The following MOB1B variants were observed in gnomAD, a reference collection of about 807,000 sequenced individuals.
The protein encoded by MOB1B is MOB kinase activator 1B, also known as MOB1 Mps One Binder homolog B.
In MOB1B, 19 loss-of-function variants were observed where a neutral mutation model predicts 24.4. The observed-to-expected ratio is 0.78, with a 90% CI of 0.54 to 1.14. The LOEUF is 1.14. Ranked by LOEUF, MOB1B falls within the 50% of genes most tolerant of loss-of-function variation. The pLI, the probability that MOB1B is intolerant of heterozygous loss-of-function variation, is 0.00. For missense variants in MOB1B, 243 were observed against 259.6 expected (o/e 0.94, Z 0.44); for synonymous variants, 76 against 82.1 (o/e 0.93, Z 0.40).
chr4:70,964,593 C>T (rs1300086612), intron 2 of MOB1B, among the ~76,000 whole-genome samples: 2 of 152,074 alleles, frequency 1.3e-5, no homozygotes, highest in Non-Finnish European at 2.9e-5. Context: ...GCATCCATCT[C>T]CAGAGGTTGG....
chr4:70,973,022 C>G (rs1361949948), intron 3 of MOB1B, among the ~76,000 whole-genome samples: 5 of 152,158 alleles, frequency 3.3e-5, no homozygotes, highest in Non-Finnish European at 7.3e-5. Context: ...ATCCGCCCGC[C>G]TCGGCCTCCC....
At chr4:70,948,663 G>A (rs1400456035) in intron 1 of MOB1B, among the ~76,000 whole-genome samples, 1 of 152,014 alleles carries the variant, frequency 6.6e-6, no homozygotes, top group East Asian at 1.9e-4. Context: ...TTCTTTCATG[G>A]TGTTGGTTTT....
intron 1 of MOB1B, among the ~76,000 whole-genome samples, chr4:70,955,188 A>G (rs1376698807): frequency 6.6e-6 from 1 of 152,168 alleles, no homozygotes; most frequent in Non-Finnish European, 1.5e-5. Context: ...TGATTAGTAG[A>G]TGACTCTGGG....
chr4:70,930,967 T>C (rs1464280526), intron 1 of MOB1B, among the ~76,000 whole-genome samples: 1 of 11,258 alleles, frequency 8.9e-5, no homozygotes, highest in African/African-American at 1.0e-4. Context: ...TACCTTTCCT[T>C]TTTTTTTTTT....
chr4:70,903,650 C>T (rs957512354), intron 1 of MOB1B, among the ~76,000 whole-genome samples: 1 of 152,180 alleles, frequency 6.6e-6, no homozygotes, highest in African/African-American at 2.4e-5. Context: ...GATTTCTCTT[C>T]TTTCCTTGCC....
rs145865418 is a variant in MOB1B at position 70,976,687 on chromosome 4, A to G, written c.409+1401A>G. ...TGTTGTTATGGAGTACTTTAAACAT[A>G]TTTATTGAATGCATTAACCACTTGG... On this transcript the variant is annotated intron_variant, in intron 4 of 5. Transcript: ENST00000309395. The G allele has an allele frequency of 1.1e-4, 101 of 952,960 alleles. No individual in the cohort carries two copies. The African/African-American group carries it at 1.8e-3, about 17-fold the overall frequency. The allele number at this position is 952,960 out of a possible 1,614,324, so 59.0% of individuals were successfully genotyped here. A position where few individuals can be genotyped will look rare whatever the true frequency, so the allele number is the denominator to read the frequency against.
At chr4:70,911,296 T>A (rs1735978330) in intron 1 of MOB1B, among the ~76,000 whole-genome samples, 1 of 151,978 alleles carries the variant, frequency 6.6e-6, no homozygotes, top group Non-Finnish European at 1.5e-5. Flanking sequence ...AGATATTATA[T>A]CCTTATAATA....
chr4:70,978,147 TA>T (rs1560667923), intron 4 of MOB1B, among the ~76,000 whole-genome samples: 1 of 152,352 alleles, frequency 6.6e-6, no homozygotes, highest in African/African-American at 2.4e-5. Context: ...ATATTTGACT[TA>T]AAAAAATTCC....
chr4:70,958,455 T>A (rs1302259837), intron 1 of MOB1B, among the ~76,000 whole-genome samples: 1 of 152,130 alleles, frequency 6.6e-6, no homozygotes, highest in Non-Finnish European at 1.5e-5. Context: ...TGTGAGCCAC[T>A]GTGCCTGGCT....
intron 1 of MOB1B, among the ~76,000 whole-genome samples, chr4:70,914,861 T>C (rs892741148): frequency 1.3e-5 from 2 of 152,198 alleles, no homozygotes; most frequent in African/African-American, 4.8e-5. Context: ...CCTCCTCTCC[T>C]TGGGGCTGTG....
intron 1 of MOB1B, among the ~76,000 whole-genome samples, chr4:70,934,552 C>T (rs890871941): frequency 2.0e-5 from 3 of 151,934 alleles, no homozygotes; most frequent in Non-Finnish European, 4.4e-5. Context: ...CTTCCAGATT[C>T]AAGTGATTCT....
chr4:70,937,581 G>A lies in MOB1B; in HGVS notation c.15-21293G>A, dbSNP rs142987299. On this transcript the variant is annotated intron_variant, in intron 1 of 5. Coordinates refer to ENST00000309395, the MANE Select transcript of MOB1B (RefSeq NM_173468.4). Reference sequence around the variant, plus strand: ...GGCCGGAATGCAGTGGTGTGATCTCGGCTCACTGCAATCTCTGCCTCCCAA... The same window carrying A: ...GGCCGGAATGCAGTGGTGTGATCTCAGCTCACTGCAATCTCTGCCTCCCAA... Among the ~76,000 whole-genome samples the A allele has an allele frequency of 2.1e-3, 308 of 149,376 alleles. 2 individuals are homozygous for A. The highest frequency in any genetic ancestry group is 7.3e-3 in the African/African-American group (295 of 40,452).
At chr4:70,952,001 A>G (rs1737828843) in intron 1 of MOB1B, among the ~76,000 whole-genome samples, 1 of 152,228 alleles carries the variant, frequency 6.6e-6, no homozygotes, top group African/African-American at 2.4e-5. Flanking sequence ...TATGTTGTTA[A>G]TGGGATTGTA....
intron 3 of MOB1B, among the ~76,000 whole-genome samples, chr4:70,970,289 C>T (rs1370201036): frequency 1.3e-5 from 2 of 152,140 alleles, no homozygotes; most frequent in African/African-American, 2.4e-5. Flanking sequence ...TCTCTGGAAG[C>T]TTGCTTATTC....
At chr4:70,904,075 C>T (rs1422979133) in intron 1 of MOB1B, among the ~76,000 whole-genome samples, 10 of 148,954 alleles carry the variant, frequency 6.7e-5, no homozygotes, top group Non-Finnish European at 1.5e-4. Flanking sequence ...CTCTGCCTCC[C>T]GGGTTCAAGC....
chr4:70,952,842 A>G (rs905140989), intron 1 of MOB1B, among the ~76,000 whole-genome samples: 1 of 151,544 alleles, frequency 6.6e-6, no homozygotes, highest in Non-Finnish European at 1.5e-5. Context: ...CAGTGTTGCT[A>G]CAAGAGCTTG....
intron 1 of MOB1B, among the ~76,000 whole-genome samples, chr4:70,945,942 CTT>C (rs34913117): frequency 6.9e-6 from 1 of 144,996 alleles, no homozygotes. Context: ...TTTTGTGGTG[CTT>C]TTTTTTTTTC....
chr4:70,930,669 A>G (rs894623682), intron 1 of MOB1B, among the ~76,000 whole-genome samples: 2 of 152,220 alleles, frequency 1.3e-5, no homozygotes, highest in African/African-American at 4.8e-5. Context: ...TGGTAGCTTA[A>G]TGAATTTTTT....
At chr4:70,964,207 T>C (rs1294772069) in intron 2 of MOB1B, among the ~76,000 whole-genome samples, 3 of 152,090 alleles carry the variant, frequency 2.0e-5, no homozygotes, top group Non-Finnish European at 4.4e-5. Flanking sequence ...CAGTAACAGA[T>C]AGAAAGTGCA....
Sources: allele counts gnomAD v4.1 joint callset (sites outside exome capture counted in the v4.1 genomes callset), GRCh38; gene constraint gnomAD v4.1.1; transcripts MANE v1.5; gene names NCBI Gene and HGNC (gene_info 2026-07-23, HGNC 2026-07-21).